Variants in REPS1 observed in about 807,000 individuals in gnomAD.
REPS1 encodes the protein RALBP1 associated Eps domain containing 1, also known as ralBP1-associated Eps domain-containing protein 1.
A neutral mutation model predicts 100.9 loss-of-function variants in REPS1; 39 were observed. The observed-to-expected ratio is 0.39, with a 90% CI of 0.30 to 0.50. REPS1 has a LOEUF of 0.50. REPS1 is among the 20% of genes least tolerant of loss of function. The pLI is 0.86. For synonymous variants in REPS1, 324 were observed against 340.3 expected (o/e 0.95, Z 0.53); for missense variants, 821 against 968.5 (o/e 0.85, Z 2.02).
At chr6:138,920,156 G>T in intron 12 of REPS1, 59 bp downstream of exon 12, 1 of 903,738 alleles carries the variant, frequency 1.1e-6, no homozygotes, top group Non-Finnish European at 1.9e-6. Flanking sequence ...ATCTGAAATA[G>T]TCAGACTCTA....
chr6:138,933,917 T>A (rs1388583836), intron 8 of REPS1, among the ~76,000 whole-genome samples: 1 of 152,080 alleles, frequency 6.6e-6, no homozygotes, highest in South Asian at 2.1e-4. Flanking sequence ...TTGTTCCACA[T>A]TGAAATAAAC....
At chr6:138,912,578 A>C in intron 16 of REPS1, 187 bp downstream of exon 16, 6 of 595,526 alleles carry the variant, frequency 1.0e-5, no homozygotes, top group Non-Finnish European at 1.2e-5. Context: ...CACCCCCACC[A>C]GACTCTGATA....
chr6:138,941,928 G>C (rs939223176), intron 7 of REPS1, among the ~76,000 whole-genome samples: 2 of 152,060 alleles, frequency 1.3e-5, no homozygotes, highest in African/African-American at 4.8e-5. Context: ...ACCCAGGCTG[G>C]AGTGCAGTGG....
At chr6:138,949,529 C>A (rs1380076399) in intron 1 of REPS1, among the ~76,000 whole-genome samples, 1 of 152,002 alleles carries the variant, frequency 6.6e-6, no homozygotes, top group African/African-American at 2.4e-5. Context: ...GAGTTCAAGA[C>A]CAGTCTGGCC....
At chr6:138,927,054 A>C (rs1781184748) in intron 9 of REPS1, 1 of 152,504 alleles carries the variant, frequency 6.6e-6, no homozygotes, top group Non-Finnish European at 1.5e-5. Flanking sequence ...TTCTGGAATT[A>C]ATATATGTAG....
chr6:138,971,791 C>T (rs1171164158), intron 1 of REPS1, among the ~76,000 whole-genome samples: 2 of 152,076 alleles, frequency 1.3e-5, no homozygotes, highest in South Asian at 2.1e-4. Flanking sequence ...GGCAGTGGAA[C>T]ATCCAAGGCT....
intron 8 of REPS1, among the ~76,000 whole-genome samples, chr6:138,940,082 G>A (rs1782125329): frequency 6.6e-6 from 1 of 152,144 alleles, no homozygotes; most frequent in Non-Finnish European, 1.5e-5. Flanking sequence ...GATTAAATTA[G>A]CAAAACTAGA....
chr6:138,931,513 A>T (rs560899268), intron 8 of REPS1, among the ~76,000 whole-genome samples: 1 of 152,276 alleles, frequency 6.6e-6, no homozygotes, highest in Admixed American at 6.5e-5. Context: ...TACCTTTATA[A>T]TTATACCACA....
intron 8 of REPS1, among the ~76,000 whole-genome samples, chr6:138,932,542 T>C (rs1781551296): frequency 6.6e-6 from 1 of 151,654 alleles, no homozygotes; most frequent in Non-Finnish European, 1.5e-5. Context: ...GCAGTACAAA[T>C]TAATTTTATT....
At chr6:138,936,730 G>A (rs961524779) in intron 8 of REPS1, among the ~76,000 whole-genome samples, 1 of 151,866 alleles carries the variant, frequency 6.6e-6, no homozygotes, top group Admixed American at 6.6e-5. Flanking sequence ...TCTGAATAAC[G>A]AATTTTCAAA....
intron 15 of REPS1, 77 bp downstream of exon 15, chr6:138,914,620 A>T: frequency 8.5e-7 from 1 of 1,171,526 alleles, no homozygotes; most frequent in Non-Finnish European, 1.3e-6. Context: ...CCTTCCAAAT[A>T]ATTTGAGAAT....
At chr6:138,987,474 T>C (rs1785337190) in intron 1 of REPS1, 56 bp downstream of exon 1, 3 of 1,449,776 alleles carry the variant, frequency 2.1e-6, no homozygotes, top group South Asian at 1.3e-5. Flanking sequence ...CTCCCACTCC[T>C]GGAGGCCAGT....
chr6:138,949,785 T>C (rs1272546340), intron 1 of REPS1, among the ~76,000 whole-genome samples: 2 of 152,104 alleles, frequency 1.3e-5, no homozygotes, highest in African/African-American at 4.8e-5. Flanking sequence ...GTCATGGAAT[T>C]AATTCATTTA....
At chr6:138,905,212 A>C (rs1021409790) in intron 19 of REPS1, 80 bp from the exon 20 acceptor site, 10 of 837,852 alleles carry the variant, frequency 1.2e-5, no homozygotes, top group Admixed American at 2.1e-5. Context: ...CTGCTTCAAG[A>C]AAACAATTTA....
chr6:138,918,824 C>T (rs1386050978), intron 12 of REPS1, among the ~76,000 whole-genome samples: 1 of 151,756 alleles, frequency 6.6e-6, no homozygotes, highest in Non-Finnish European at 1.5e-5. Context: ...CAAGAGAATC[C>T]CAGAAATAGA....
At chr6:138,919,547 T>A (rs570899368) in intron 12 of REPS1, among the ~76,000 whole-genome samples, 1 of 152,376 alleles carries the variant, frequency 6.6e-6, no homozygotes, top group East Asian at 1.9e-4. Flanking sequence ...ATTTGCTAAC[T>A]AATTCTATTC....
intron 2 of REPS1, among the ~76,000 whole-genome samples, chr6:138,947,263 T>C (rs1287920167): frequency 1.3e-5 from 2 of 152,186 alleles, no homozygotes; most frequent in Non-Finnish European, 1.5e-5. Flanking sequence ...TGTGGTCAGA[T>C]GTCTATAACT....
chr6:138,914,099 T>C (rs1311359677), intron 15 of REPS1, among the ~76,000 whole-genome samples: 1 of 150,540 alleles, frequency 6.6e-6, no homozygotes, highest in Non-Finnish European at 1.5e-5. Context: ...AGACAGGGTC[T>C]CACTCTGTCA....
At chr6:138,979,581 G>C (rs1784817879) in intron 1 of REPS1, among the ~76,000 whole-genome samples, 2 of 152,038 alleles carry the variant, frequency 1.3e-5, no homozygotes, top group African/African-American at 4.8e-5. Flanking sequence ...AAATCCAATG[G>C]CCACATTCCT....
Sources: gnomAD v4.1 joint callset for allele counts (sites outside exome capture counted in the v4.1 genomes callset) on GRCh38, gnomAD v4.1.1 for gene constraint, MANE v1.5 for transcripts, NCBI Gene and HGNC (gene_info 2026-07-23, HGNC 2026-07-21) for gene names.